Variants in ZNF704 observed in about 807,000 individuals in gnomAD.
The protein encoded by ZNF704 is glucocorticoid induced gene 1.
Under a neutral mutation model 44.7 loss-of-function variants are expected in ZNF704, and 10 were observed. The ratio of observed to expected loss-of-function variants is 0.22; its 90% CI spans 0.14 to 0.38. The LOEUF (loss-of-function observed/expected upper bound fraction) is 0.38. Among genes scored for constraint, ZNF704 ranks in the 10% least tolerant of loss-of-function variants. The pLI, the probability that ZNF704 is intolerant of heterozygous loss-of-function variation, is 1.00. For synonymous variants in ZNF704, 211 were observed against 207.6 expected (o/e 1.02, Z -0.14); for missense variants, 390 against 545.5 (o/e 0.71, Z 2.84).
intron 1 of ZNF704, among the ~76,000 whole-genome samples, chr8:80,857,363 A>T (rs1808980228): frequency 6.6e-6 from 1 of 152,186 alleles, no homozygotes; most frequent in African/African-American, 2.4e-5. Flanking sequence ...TAGGATTCCT[A>T]TACATATACT....
the ZNF704 span, among the ~76,000 whole-genome samples, chr8:80,882,005 C>A: frequency 6.6e-6 from 1 of 152,286 alleles, no homozygotes; most frequent in East Asian, 1.9e-4. Flanking sequence ...CTCTTCATAG[C>A]AAAATTCTTA....
At chr8:80,864,608 T>A (rs775961977) in intron 1 of ZNF704, among the ~76,000 whole-genome samples, 1 of 152,176 alleles carries the variant, frequency 6.6e-6, no homozygotes, top group Non-Finnish European at 1.5e-5. Flanking sequence ...TCTAGACATC[T>A]CCCTAACAGT....
intron 1 of ZNF704, among the ~76,000 whole-genome samples, chr8:80,823,141 T>C (rs1245076870): frequency 6.6e-6 from 1 of 152,094 alleles, no homozygotes; most frequent in Non-Finnish European, 1.5e-5. Flanking sequence ...ATCCGGGAAG[T>C]GCAAAGGGTC....
intron 2 of ZNF704, among the ~76,000 whole-genome samples, chr8:80,809,424 C>T (rs752173756): frequency 6.6e-6 from 1 of 152,154 alleles, no homozygotes; most frequent in Non-Finnish European, 1.5e-5. Flanking sequence ...AAAAGGGCAG[C>T]AACGTTACGC....
At position 80,793,012 on chromosome 8, in the gene ZNF704, T is replaced by C. The variant is rs149916802; in HGVS notation, c.221+28362A>G. ...TCGCTACACAGCAATATATAACTAA[T>C]TCAGTTAACCACAGTGCTATTTGTA... On this transcript the variant is annotated intron_variant, in intron 2 of 8. Transcript: ENST00000327835. Among the ~76,000 whole-genome samples, 684 of 152,342 alleles carry C rather than the reference T, an allele frequency of 4.5e-3. 7 individuals are homozygous for C. Among genetic ancestry groups the C allele is most frequent in the African/African-American group, 0.016 (654 of 41,574 alleles).
chr8:80,677,871 T>C (rs1386166455), intron 4 of ZNF704, among the ~76,000 whole-genome samples: 3 of 152,218 alleles, frequency 2.0e-5, no homozygotes, highest in Non-Finnish European at 2.9e-5. Context: ...GTTCAAAGAA[T>C]GTTTGTCAAA....
chr8:80,724,227 G>C (rs1806433405), intron 2 of ZNF704, among the ~76,000 whole-genome samples: 1 of 152,130 alleles, frequency 6.6e-6, no homozygotes, highest in South Asian at 2.1e-4. Flanking sequence ...AAATATGTAG[G>C]AGGTAGTTTG....
intron 3 of ZNF704, among the ~76,000 whole-genome samples, chr8:80,689,047 G>A (rs1408355133): frequency 6.6e-6 from 1 of 150,446 alleles, no homozygotes; most frequent in East Asian, 1.9e-4. Context: ...ACCTTAATTA[G>A]CATTTATATA....
At chr8:80,702,684 C>A (rs11993451) in intron 2 of ZNF704, among the ~76,000 whole-genome samples, 2 of 151,762 alleles carry the variant, frequency 1.3e-5, no homozygotes, top group Admixed American at 6.6e-5. Context: ...AAAGCGAAGG[C>A]GAGATGGAAG....
chr8:80,644,309 C>T (rs929100904), intron 7 of ZNF704, among the ~76,000 whole-genome samples: 13 of 152,104 alleles, frequency 8.5e-5, no homozygotes, highest in African/African-American at 2.4e-4. Flanking sequence ...GAGGAGGGCC[C>T]CTACTGTCCT....
intron 6 of ZNF704, among the ~76,000 whole-genome samples, chr8:80,660,124 C>T (rs540815454): frequency 6.6e-5 from 10 of 152,248 alleles, no homozygotes; most frequent in Middle Eastern, 3.4e-3. Context: ...CCACTCTAGG[C>T]ATTCATTCTA....
chr8:80,737,029 TA>T (rs925825545), intron 2 of ZNF704, among the ~76,000 whole-genome samples: 10 of 151,876 alleles, frequency 6.6e-5, no homozygotes, highest in African/African-American at 2.4e-4. Context: ...AGGACCAGAA[TA>T]TCAGGGGAAG....
chr8:80,846,945 G>C (rs184943453), intron 1 of ZNF704, among the ~76,000 whole-genome samples: 8 of 152,292 alleles, frequency 5.3e-5, no homozygotes, highest in Admixed American at 5.2e-4. Context: ...GGCTGAGGCA[G>C]GCAGATCACC....
chr8:80,861,822 A>G (rs1809066117), intron 1 of ZNF704, among the ~76,000 whole-genome samples: 1 of 151,696 alleles, frequency 6.6e-6, no homozygotes, highest in Admixed American at 6.6e-5. Flanking sequence ...TTGGAGGTCT[A>G]ACAGGTATGT....
At chr8:80,712,186 G>A (rs913461757) in intron 2 of ZNF704, among the ~76,000 whole-genome samples, 3 of 152,174 alleles carry the variant, frequency 2.0e-5, no homozygotes, top group African/African-American at 4.8e-5. Context: ...GGAAAAGGAC[G>A]AGTTTGGCCC....
In ZNF704 at chr8:80,664,955, C is replaced by A. The variant is rs1374365844; in HGVS notation, c.787G>T (p.Ala263Ser). 2 of 1,614,070 alleles carry A rather than the reference C, an allele frequency of 1.2e-6. No homozygotes were observed. The highest frequency in any genetic ancestry group is 2.7e-5 in the African/African-American group (2 of 74,932). Residue 263 changes from alanine to serine, a missense_variant, in exon 6 of 9, where the codon GCT (alanine) becomes TCT (serine). Around this residue, in one of 3 missense-constraint regions of ZNF704, gnomAD observed 305 missense variants for 435.7 expected, o/e 0.70. Coordinates refer to ENST00000327835, the MANE Select transcript of ZNF704 (RefSeq NM_001033723.3). ...LAPVSPSQSL[A>S]SPPTFPIPDS... The stretch of plus-strand genomic sequence containing the variant: ...GGGATGGGGAAAGTAGGAGGTGAAG[C>A]CAGGGACTGGGAAGGTGAGACCGGG...
intron 6 of ZNF704, among the ~76,000 whole-genome samples, chr8:80,659,899 A>G (rs943654490): frequency 1.3e-5 from 2 of 152,032 alleles, no homozygotes; most frequent in Non-Finnish European, 2.9e-5. Context: ...CTAAGGTATA[A>G]AAAGAGATGG....
intron 1 of ZNF704, among the ~76,000 whole-genome samples, chr8:80,851,609 G>C (rs960125956): frequency 6.6e-6 from 1 of 151,722 alleles, no homozygotes; most frequent in African/African-American, 2.4e-5. Flanking sequence ...AGCATTAGGA[G>C]ATACACCTAA....
intron 4 of ZNF704, among the ~76,000 whole-genome samples, chr8:80,681,907 G>C (rs1386894340): frequency 6.6e-6 from 1 of 152,168 alleles, no homozygotes; most frequent in East Asian, 1.9e-4. Flanking sequence ...TTGTCACTAA[G>C]TTACCTAGAT....
Sources: gnomAD v4.1 joint callset for allele counts (sites outside exome capture counted in the v4.1 genomes callset) on GRCh38, gnomAD v4.1.1 for gene constraint, gnomAD v4.1.1 regional missense constraint, MANE v1.5 for transcripts, NCBI Gene and HGNC (gene_info 2026-07-23, HGNC 2026-07-21) for gene names.